The following PKNOX2 variants were observed in gnomAD, a reference collection of about 807,000 sequenced individuals.
PKNOX2 encodes PBX/knotted 1 homeobox 2, also known as homeobox protein PKNOX2.
Under a neutral mutation model 53.1 loss-of-function variants are expected in PKNOX2, and 14 were observed. That is an observed-to-expected ratio of 0.26 (90% CI 0.17 to 0.41). The LOEUF (loss-of-function observed/expected upper bound fraction) is 0.41. Among genes scored for constraint, PKNOX2 ranks in the 10% least tolerant of loss-of-function variants. The pLI is 1.00. For synonymous variants in PKNOX2, 257 were observed against 242.8 expected (o/e 1.06, Z -0.54); for missense variants, 496 against 602.8 (o/e 0.82, Z 1.85).
intron 2 of PKNOX2, chr11:125,266,825 A>G (rs1312972126): frequency 6.6e-6 from 1 of 152,216 alleles, no homozygotes; most frequent in Non-Finnish European, 1.5e-5. Flanking sequence ...CTTCCCACCC[A>G]GGTTCTAAAG....
At chr11:125,168,755 CG>C (rs1955066027) in intron 1 of PKNOX2, among the ~76,000 whole-genome samples, 1 of 152,220 alleles carries the variant, frequency 6.6e-6, no homozygotes, top group Non-Finnish European at 1.5e-5. Context: ...GTGAATCCAA[CG>C]TGCAACGTAA....
chr11:125,214,529 C>T (rs962544433), intron 1 of PKNOX2, among the ~76,000 whole-genome samples: 5 of 152,064 alleles, frequency 3.3e-5, no homozygotes, highest in East Asian at 1.9e-4. Context: ...AAAGGCTCCT[C>T]CACCTAAGAC....
chr11:125,406,362 G>A (rs1027887623), intron 7 of PKNOX2, among the ~76,000 whole-genome samples: 6 of 152,168 alleles, frequency 3.9e-5, no homozygotes, highest in African/African-American at 1.4e-4. Flanking sequence ...CATTGCCCAG[G>A]AACATCTCAG....
At chr11:125,202,681 C>T (rs1410391367) in intron 1 of PKNOX2, among the ~76,000 whole-genome samples, 1 of 135,126 alleles carries the variant, frequency 7.4e-6, no homozygotes. Flanking sequence ...GGGGAGGAGC[C>T]GTGGAATGTG....
chr11:125,354,510 C>T (rs563747258), intron 4 of PKNOX2, among the ~76,000 whole-genome samples: 5 of 152,252 alleles, frequency 3.3e-5, no homozygotes, highest in African/African-American at 4.8e-5. Flanking sequence ...AAAAAGGAAG[C>T]GAGACGCAGA....
chr11:125,431,043 G>A, intron 12 of PKNOX2, 123 bp from the exon 13 acceptor site: 4 of 1,459,994 alleles, frequency 2.7e-6, no homozygotes, highest in South Asian at 1.4e-5. Flanking sequence ...CTCAGGCTTG[G>A]ACAGCTCTAA....
intron 5 of PKNOX2, among the ~76,000 whole-genome samples, chr11:125,371,940 A>C (rs549924102): frequency 2.0e-5 from 3 of 152,252 alleles, no homozygotes; most frequent in Admixed American, 2.0e-4. Flanking sequence ...CAATTGAATT[A>C]ACTGTGTTAG....
At chr11:125,262,281 A>G (rs1182928027) in intron 2 of PKNOX2, among the ~76,000 whole-genome samples, 1 of 152,000 alleles carries the variant, frequency 6.6e-6, no homozygotes, top group African/African-American at 2.4e-5. Flanking sequence ...ATGACTCTGG[A>G]GAGGTGGGGA....
intron 3 of PKNOX2, among the ~76,000 whole-genome samples, chr11:125,344,368 G>T (rs1315432026): frequency 6.6e-6 from 1 of 152,232 alleles, no homozygotes; most frequent in African/African-American, 2.4e-5. Context: ...CGCTCCTTGG[G>T]ATGGAAATTG....
At chr11:125,302,074 C>T (rs1055481680) in intron 2 of PKNOX2, among the ~76,000 whole-genome samples, 12 of 152,188 alleles carry the variant, frequency 7.9e-5, no homozygotes, top group Non-Finnish European at 8.8e-5. Flanking sequence ...TCGCCAGCTG[C>T]CTGGAGAATC....
At chr11:125,321,919 G>A (rs186133870) in intron 2 of PKNOX2, among the ~76,000 whole-genome samples, 161 of 152,322 alleles carry the variant, frequency 1.1e-3, no homozygotes, top group African/African-American at 3.8e-3. Flanking sequence ...TCCTCACACA[G>A]GGGGTGGGCA....
intron 6 of PKNOX2, among the ~76,000 whole-genome samples, chr11:125,393,857 C>A (rs1021959278): frequency 1.3e-5 from 2 of 149,808 alleles, no homozygotes; most frequent in East Asian, 2.0e-4. Flanking sequence ...AAACCACGCA[C>A]CCTTTATACT....
In PKNOX2 at chr11:125,410,903, G is replaced by T. The variant is rs200195616; in HGVS notation, c.816+27G>T. 142 of 1,590,306 alleles carry T rather than the reference G, an allele frequency of 8.9e-5. 1 individual carries two copies. The East Asian group carries it at 2.6e-3, about 30-fold the overall frequency. On this transcript the variant is annotated intron_variant, in intron 9 of 12. Coordinates refer to ENST00000298282, the MANE Select transcript of PKNOX2 (RefSeq NM_001382323.2). Reference sequence around the variant, plus strand: ...TGAGTGTGTGTAGGTGTGTGCACATGTGCATGGTGTGGGCTAGGGCACCTG... The same window carrying T: ...TGAGTGTGTGTAGGTGTGTGCACATTTGCATGGTGTGGGCTAGGGCACCTG...
intron 1 of PKNOX2, among the ~76,000 whole-genome samples, chr11:125,226,517 A>T (rs919463080): frequency 1.3e-5 from 2 of 152,124 alleles, no homozygotes; most frequent in Admixed American, 1.3e-4. Flanking sequence ...GAGTCATAAC[A>T]CTATGAGGAC....
intron 1 of PKNOX2, among the ~76,000 whole-genome samples, chr11:125,226,921 G>T (rs1053238773): frequency 1.3e-5 from 2 of 151,824 alleles, no homozygotes; most frequent in African/African-American, 4.8e-5. Context: ...ACTTCTCCCC[G>T]CTGGGGCTGG....
chr11:125,402,053 A>G (rs1330892748), intron 7 of PKNOX2, among the ~76,000 whole-genome samples: 1 of 152,142 alleles, frequency 6.6e-6, no homozygotes, highest in African/African-American at 2.4e-5. Flanking sequence ...CCCAGATGCT[A>G]TGCCGTGTCC....
At chr11:125,328,810 G>A (rs990393068) in intron 2 of PKNOX2, among the ~76,000 whole-genome samples, 1 of 152,198 alleles carries the variant, frequency 6.6e-6, no homozygotes, top group African/African-American at 2.4e-5. Context: ...TGTTTTCTTA[G>A]GCAAGCCCTG....
At chr11:125,394,498 C>T (rs537029570) in intron 6 of PKNOX2, among the ~76,000 whole-genome samples, 1 of 152,328 alleles carries the variant, frequency 6.6e-6, no homozygotes, top group South Asian at 2.1e-4. Flanking sequence ...ACAATCCCTG[C>T]TCATCAGACA....
rs180853633 is a variant in PKNOX2, at chr11:125,230,585, A to C, written c.-200-4460A>C. ...AGAGGGCTTTGCAGAGGACAGGAGCATCCAGAGAGACTCTTAGTGTTCAAG... is the reference window on the plus strand; with the variant it reads ...AGAGGGCTTTGCAGAGGACAGGAGCCTCCAGAGAGACTCTTAGTGTTCAAG... On this transcript the variant is annotated intron_variant, in intron 1 of 12. Coordinates refer to ENST00000298282, the MANE Select transcript of PKNOX2 (RefSeq NM_001382323.2). 2.6e-5 allele frequency among the ~76,000 whole-genome samples: 4 copies of C among 152,310 alleles called. No individual in the cohort carries two copies. In the East Asian group the frequency reaches 7.7e-4, roughly 29 times the overall value.
Sources: allele counts gnomAD v4.1 joint callset (sites outside exome capture counted in the v4.1 genomes callset), GRCh38; gene constraint gnomAD v4.1.1; transcripts MANE v1.5; gene names NCBI Gene and HGNC (gene_info 2026-07-23, HGNC 2026-07-21).